The following PSPH variants were observed in gnomAD, a reference collection of about 807,000 sequenced individuals.
The protein encoded by PSPH is L-3-phosphoserine phosphatase.
PSPH carries 16 observed loss-of-function variants against 23.4 expected under a neutral mutation model. The observed-to-expected ratio is 0.68, with a 90% CI of 0.46 to 1.04. The LOEUF (loss-of-function observed/expected upper bound fraction) is 1.04, where lower values mean the gene tolerates loss of function less well. PSPH is among the 50% of genes least tolerant of loss of function. The pLI, the probability that PSPH is intolerant of heterozygous loss-of-function variation, is 0.00. For missense variants in PSPH, 223 were observed against 273.7 expected, an observed-to-expected ratio of 0.81 and a Z score of 1.31; for synonymous variants, 68 against 99.7, an observed-to-expected ratio of 0.68 and a Z score of 1.89.
At chr7:56,018,083 C>T (rs1430642513) in intron 5 of PSPH, among the ~76,000 whole-genome samples, 2 of 151,876 alleles carry the variant, frequency 1.3e-5, no homozygotes, top group Non-Finnish European at 2.9e-5. Context: ...TGGTGGCTCA[C>T]GCCTGTAATC....
At chr7:56,021,308 A>T in intron 3 of PSPH, 77 bp from the exon 4 acceptor site, 1 of 1,415,076 alleles carries the variant, frequency 7.1e-7, no homozygotes, top group Admixed American at 2.0e-5. Context: ...TACTAAGCCA[A>T]TCTAATTTGT....
chr7:56,044,401 G>T (rs1299549852), intron 1 of PSPH, among the ~76,000 whole-genome samples: 1 of 152,046 alleles, frequency 6.6e-6, no homozygotes, highest in African/African-American at 2.4e-5. Flanking sequence ...AGAAAAAACA[G>T]AATGTAAACG....
intron 2 of PSPH, among the ~76,000 whole-genome samples, chr7:56,032,793 A>G (rs971723144): frequency 1.3e-5 from 2 of 151,580 alleles, no homozygotes; most frequent in African/African-American, 4.9e-5. Flanking sequence ...TCCACAAAAA[A>G]TAAAATAAAT....
At position 56,021,153 on chromosome 7, in the gene PSPH, A is replaced by G. The variant is rs201376678; in HGVS notation, c.60T>C (p.Asp20=). 155 of 1,614,230 alleles carry G rather than the reference A, an allele frequency of 9.6e-5. No individual in the cohort carries two copies. In the East Asian group the frequency reaches 3.2e-3, roughly 33 times the overall value. ...LFYSADAVCF[D]VDSTVIREEG... is the part of the protein sequence containing the mutation. ...CTTCTCTGATGACCGTGCTGTCAAC[A>G]TCAAAACACACAGCATCTGCTGAGT... The change falls in exon 4 of 8, where the codon GAT becomes GAC. Residue 20 remains aspartate (D), a synonymous_variant. Coordinates refer to ENST00000275605, the MANE Select transcript of PSPH (RefSeq NM_004577.4).
At position 56,037,706 on chromosome 7, in the gene PSPH, A is replaced by ATTT. The variant is rs71015167; in HGVS notation, c.-291-3603_-291-3601dup. 2.7e-3 allele frequency among the ~76,000 whole-genome samples: 312 copies of ATTT among 115,286 alleles called. 3 individuals carry two copies. The highest frequency in any genetic ancestry group is 3.4e-3 in the Non-Finnish European group (198 of 57,536). 75.6% of individuals were successfully genotyped at this position (115,286 alleles called of 152,430 possible). ...AGATCACATTTTTGTAAGCTAACAA[A>ATTT]TTTTTTTTTTTTTTTTTTTTTTTTG... On this transcript the variant is annotated intron_variant, in intron 1 of 7. Transcript: ENST00000275605.
Position 56,019,662 on chromosome 7 carries a change from G to A in PSPH, c.213C>T (p.Pro71=), listed in dbSNP as rs1789056503. ...ALTERLALIQ[P]SREQVQRLIA... ...TGAGTCTCTGCACCTGCTCCCTGGA[G>A]GGCTGGATGAGGGCTAAGCGCTCTG... The change falls in exon 5 of 8, where the codon CCC becomes CCT. Residue 71 remains proline (P), a synonymous_variant. Transcript: ENST00000275605. 6 of 1,613,984 alleles carry A rather than the reference G, an allele frequency of 3.7e-6. No homozygotes were observed. The highest frequency in any genetic ancestry group is 4.2e-6 in the Non-Finnish European group (5 of 1,179,904).
In PSPH at chr7:56,011,613, C is replaced by A; in HGVS notation, c.*149G>T. 12 of 530,218 alleles carry A rather than the reference C, an allele frequency of 2.3e-5. No individual in the cohort carries two copies. The highest frequency in any genetic ancestry group is 3.6e-5 in the East Asian group (1 of 28,060). The allele number at this position is 530,218 out of a possible 1,614,324, so 32.8% of individuals were successfully genotyped here. A position where few individuals can be genotyped will look rare whatever the true frequency, so the allele number is the denominator to read the frequency against. ...TTAAAAAAAAAAAAAAAGCAATCTTCTAGGATTCCTAACTGTAGTTTAAAG... is the reference window on the plus strand; with the variant it reads ...TTAAAAAAAAAAAAAAAGCAATCTTATAGGATTCCTAACTGTAGTTTAAAG... On this transcript the variant is annotated 3_prime_UTR_variant, in exon 8 of 8. Transcript: ENST00000275605.
chr7:56,029,551 A>G (rs1790662151), intron 3 of PSPH, among the ~76,000 whole-genome samples: 1 of 151,802 alleles, frequency 6.6e-6, no homozygotes, highest in Non-Finnish European at 1.5e-5. Flanking sequence ...CTAGTTCCAA[A>G]GTACAAAAGC....
intron 5 of PSPH, among the ~76,000 whole-genome samples, chr7:56,018,495 A>G (rs1562788820): frequency 1.3e-5 from 2 of 152,174 alleles, no homozygotes; most frequent in African/African-American, 4.8e-5. Context: ...GAGGAAAGGC[A>G]GAAACCGACA....
intron 1 of PSPH, among the ~76,000 whole-genome samples, chr7:56,049,320 T>G (rs1214634924): frequency 1.3e-5 from 2 of 152,194 alleles, no homozygotes; most frequent in African/African-American, 4.8e-5. Context: ...CAGTGTGTGA[T>G]GTTCCCCTCC....
At chr7:56,014,956 G>C in intron 7 of PSPH, 67 bp downstream of exon 7, 1 of 1,427,238 alleles carries the variant, frequency 7.0e-7, no homozygotes. Context: ...AAAAAATAAA[G>C]AAATAATAAA....
In PSPH at chr7:56,023,233, A is replaced by G. The variant is rs79208959; in HGVS notation, c.-19-2002T>C. On this transcript the variant is annotated intron_variant, in intron 3 of 7. Coordinates refer to ENST00000275605, the MANE Select transcript of PSPH (RefSeq NM_004577.4). ...GAAACTCTGGAAGCCACACTGCTAC[A>G]GAAGCTGCAGAGGACAGAGAGTCAA... 2.8e-3 allele frequency among the ~76,000 whole-genome samples: 420 copies of G among 152,156 alleles called. 3 individuals are homozygous for G. Among genetic ancestry groups the G allele is most frequent in the African/African-American group, 9.3e-3 (384 of 41,494 alleles).
Position 56,019,705 on chromosome 7 carries a change from G to A in PSPH, c.170C>T (p.Pro57Leu), listed in dbSNP as rs1789067346. ...MTRRAMGGAV[P>L]FKAALTERLA... ...GCGCTCTGTGAGAGCAGCTTTGAAAGGCACTGCCCCGCCCATGGCTCGCCG... is the reference window on the plus strand; with the variant it reads ...GCGCTCTGTGAGAGCAGCTTTGAAAAGCACTGCCCCGCCCATGGCTCGCCG... Residue 57 changes from proline to leucine, a missense_variant, in exon 5 of 8, where the codon CCT becomes CTT. Physicochemically the swap from Pro to Leu is moderately conservative, Grantham distance 98. Transcript: ENST00000275605. 5 of 1,613,868 alleles carry A rather than the reference G, an allele frequency of 3.1e-6. No individual in the cohort carries two copies. Among genetic ancestry groups the A allele is most frequent in the Non-Finnish European group, 2.5e-6 (3 of 1,179,906 alleles).
intron 1 of PSPH, among the ~76,000 whole-genome samples, chr7:56,041,203 C>G (rs1292310265): frequency 1.3e-5 from 2 of 149,736 alleles, no homozygotes; most frequent in Non-Finnish European, 3.0e-5. Context: ...ATCTCTCTCT[C>G]TCTCTCTTTT....
chr7:56,022,822 G>A (rs1789652393), intron 3 of PSPH, among the ~76,000 whole-genome samples: 1 of 152,228 alleles, frequency 6.6e-6, no homozygotes, highest in African/African-American at 2.4e-5. Context: ...ACTCTGGGAG[G>A]CTGAGGCGGG....
chr7:56,019,835 T>C (rs1311597736), intron 4 of PSPH, 101 bp from the exon 5 acceptor site: 3 of 1,498,968 alleles, frequency 2.0e-6, no homozygotes, highest in Non-Finnish European at 2.7e-6. Context: ...AAAAGGAAGA[T>C]GCTACCAAGA....
At chr7:56,038,678 TAAAC>T (rs1370616356) in intron 1 of PSPH, among the ~76,000 whole-genome samples, 2 of 151,246 alleles carry the variant, frequency 1.3e-5, no homozygotes, top group African/African-American at 2.4e-5. Flanking sequence ...GTACAAAAAA[TAAAC>T]AAAATTAGCT....
At chr7:56,039,966 G>A (rs1382321314) in intron 1 of PSPH, among the ~76,000 whole-genome samples, 1 of 151,846 alleles carries the variant, frequency 6.6e-6, no homozygotes, top group Non-Finnish European at 1.5e-5. Flanking sequence ...GGGCGTGGTG[G>A]CGGGCGCCTG....
At chr7:56,017,970 G>C (rs954817102) in intron 5 of PSPH, among the ~76,000 whole-genome samples, 1 of 151,694 alleles carries the variant, frequency 6.6e-6, no homozygotes, top group South Asian at 2.1e-4. Flanking sequence ...TGATCTGCCT[G>C]TCTTGGCCTC....
Sources: gnomAD v4.1 joint callset for allele counts (sites outside exome capture counted in the v4.1 genomes callset) on GRCh38, gnomAD v4.1.1 for gene constraint, MANE v1.5 for transcripts, NCBI Gene and HGNC (gene_info 2026-07-23, HGNC 2026-07-21) for gene names.